The following PC variants were observed in gnomAD, a reference collection of about 807,000 sequenced individuals.
PC encodes pyruvate carboxylase, mitochondrial.
PC carries 46 observed loss-of-function variants against 107.8 expected under a neutral mutation model. The observed-to-expected ratio is 0.43, with a 90% CI of 0.34 to 0.55. The LOEUF (loss-of-function observed/expected upper bound fraction) is 0.55, where lower values mean the gene tolerates loss of function less well. PC is among the 20% of genes least tolerant of loss of function. The pLI is 0.04. For synonymous variants in PC, 662 were observed against 684.7 expected, an observed-to-expected ratio of 0.97 and a Z score of 0.52; for missense variants, 1,241 against 1,643.1, an observed-to-expected ratio of 0.76 and a Z score of 4.23.
chr11:66,891,052 G>T (rs917772052), intron 3 of PC, among the ~76,000 whole-genome samples: 33 of 151,096 alleles, frequency 2.2e-4, no homozygotes, highest in Middle Eastern at 3.4e-3. Context: ...TAGGCATGGG[G>T]TTTTTTTTTG....
At position 66,849,702 on chromosome 11, in the gene PC, T is replaced by C. The variant is rs758028238; in HGVS notation, c.3056A>G (p.His1019Arg). 6.8e-6 allele frequency: 11 copies of C among 1,614,046 alleles called. No homozygotes were observed. In the African/African-American group the frequency reaches 1.3e-4, roughly 20 times the overall value. ...AAAGGTGGCAGTGAAGTCCTTGAAG[T>C]GGGCAAACACATCGGGGTACATAGC... The part of the protein sequence containing the change: ...SAAMYPDVFA[H>R]FKDFTATFGP... The change falls in exon 21 of 23, where the codon CAC (histidine) becomes CGC (arginine). Residue 1019 changes from histidine (H) to arginine (R), a missense_variant. His to Arg is a conservative substitution (Grantham distance 29). This residue lies in a region of PC where 1,143 missense variants were observed against 1,551.9 expected (regional missense o/e 0.74). Coordinates refer to ENST00000393960, the MANE Select transcript of PC (RefSeq NM_001040716.2).
Position 66,866,453 on chromosome 11 carries a change from T to G in PC, c.1023-104A>C. ...CAGCCAGTGGGGCGTCCACACACAG[T>G]GCGACTCCTGCCCATAGGCTCTGGG... On this transcript the variant is annotated intron_variant, in intron 10 of 22. Coordinates refer to ENST00000393960, the MANE Select transcript of PC (RefSeq NM_001040716.2). This position sits in a 1 kb window ranked among gnomAD's most constrained non-coding sequence, Gnocchi z 5.4. The G allele has an allele frequency of 2.4e-6, 2 of 816,468 alleles. No individual in the cohort carries two copies. The highest frequency in any genetic ancestry group is 3.2e-5 in the South Asian group (2 of 62,482). 50.6% of individuals were successfully genotyped at this position (816,468 alleles called of 1,614,324 possible).
chr11:66,859,031 C>T (rs781135899), intron 12 of PC: 10 of 1,508,032 alleles, frequency 6.6e-6, no homozygotes, highest in African/African-American at 2.8e-5. Context: ...GGCGGCCAGC[C>T]GACCCAGTGT....
At chr11:66,863,520 G>C (rs1280206606) in intron 12 of PC, among the ~76,000 whole-genome samples, 3 of 152,200 alleles carry the variant, frequency 2.0e-5, no homozygotes, top group Non-Finnish European at 2.9e-5. Flanking sequence ...GACTAGACAG[G>C]AGGCATGTGA....
intron 3 of PC, among the ~76,000 whole-genome samples, chr11:66,920,511 G>A (rs1486716822): frequency 6.6e-6 from 1 of 152,118 alleles, no homozygotes; most frequent in African/African-American, 2.4e-5. Flanking sequence ...TGGCAGCCCC[G>A]GGAAGGCCTG....
chr11:66,939,739 G>A (rs1949078208), intron 3 of PC, among the ~76,000 whole-genome samples: 1 of 147,880 alleles, frequency 6.8e-6, no homozygotes, highest in South Asian at 2.1e-4. Flanking sequence ...GGGAGGCAGA[G>A]GTTGCAGCAA....
chr11:66,907,104 C>T (rs1948189642), intron 3 of PC, among the ~76,000 whole-genome samples: 1 of 152,226 alleles, frequency 6.6e-6, no homozygotes. Context: ...CTCCCCATGA[C>T]CACTGGCAGC....
Position 66,860,224 on chromosome 11 carries a change from G to A in PC, c.1368+3550C>T, listed in dbSNP as rs374747976. 1.7e-4 allele frequency: 259 copies of A among 1,540,284 alleles called. 1 individual carries two copies. In the African/African-American group the frequency reaches 3.3e-3, roughly 20 times the overall value. On this transcript the variant is annotated intron_variant, in intron 12 of 22. Transcript: ENST00000393960. ...ACGGGCAGCTTCCTGTGTGCTCCAA[G>A]GGATGAGCCTCGTGGGGCAGAGGGC...
In PC at chr11:66,852,324, CT is replaced by C; in HGVS notation, c.1825+114del. 1 of 927,216 alleles carries C rather than the reference CT, an allele frequency of 1.1e-6. No homozygotes were observed. The allele number at this position is 927,216 out of a possible 1,614,324, so 57.4% of individuals were successfully genotyped here. A position where few individuals can be genotyped will look rare whatever the true frequency, so the allele number is the denominator to read the frequency against. ...CGCTGTGCCTTCTTCGGTCCTTCCT[CT>C]TTGGTGTTCTTCGTGTCAGCGTCTC... On this transcript the variant is annotated intron_variant, in intron 15 of 22. Transcript: ENST00000393960. The surrounding 1 kb of genome is among the most constrained non-coding windows in gnomAD (Gnocchi z 4.7).
rs537971994 is a variant in PC at position 66,902,222 on chromosome 11, T to C, written c.1-30063A>G. ...AACATATCTTCATAGCCCCATGATC[T>C]GACCTTTCATCCTATGCTTTGGAGT... On this transcript the variant is annotated intron_variant, in intron 3 of 22. Transcript: ENST00000393960. Among the ~76,000 whole-genome samples the C allele has an allele frequency of 7.9e-5, 12 of 152,344 alleles. No homozygotes were observed. In the South Asian group the frequency reaches 2.5e-3, roughly 32 times the overall value.
intron 3 of PC, among the ~76,000 whole-genome samples, chr11:66,885,537 G>A (rs1947330101): frequency 6.7e-6 from 1 of 149,194 alleles, no homozygotes; most frequent in Admixed American, 6.7e-5. Flanking sequence ...GGGTAATCAA[G>A]TAAAAATAAA....
In PC at chr11:66,852,690, C is replaced by T. The variant is rs369993444; in HGVS notation, c.1604-30G>A. On this transcript the variant is annotated intron_variant, in intron 14 of 22. Transcript: ENST00000393960. The surrounding 1 kb of genome is among the most constrained non-coding windows in gnomAD (Gnocchi z 4.7). ...GGTAGACAGGGGCATTGGTGCCCAT[C>T]CTGCAGGTGGCAACCTCCTGTCTCC... The T allele has an allele frequency of 7.5e-5, 120 of 1,610,146 alleles. No individual in the cohort carries two copies. The highest frequency in any genetic ancestry group is 1.6e-4 in the Middle Eastern group (1 of 6,080).
chr11:66,900,604 A>G (rs1379691206), intron 3 of PC, among the ~76,000 whole-genome samples: 10 of 152,208 alleles, frequency 6.6e-5, no homozygotes, highest in African/African-American at 2.2e-4. Flanking sequence ...AAGTATTGCC[A>G]TCTTAACAAT....
Position 66,857,635 on chromosome 11 carries a change from C to T in PC, c.1369-4252G>A, listed in dbSNP as rs928784922. 19 of 1,273,620 alleles carry T rather than the reference C, an allele frequency of 1.5e-5. No homozygotes were observed. The highest frequency in any genetic ancestry group is 2.5e-5 in the East Asian group (1 of 39,326). The allele number at this position is 1,273,620 out of a possible 1,614,324, so 78.9% of individuals were successfully genotyped here. A position where few individuals can be genotyped will look rare whatever the true frequency, so the allele number is the denominator to read the frequency against. On this transcript the variant is annotated intron_variant, in intron 12 of 22. Coordinates refer to ENST00000393960, the MANE Select transcript of PC (RefSeq NM_001040716.2). The surrounding 1 kb of genome is among the most constrained non-coding windows in gnomAD (Gnocchi z 7.1). The stretch of plus-strand genomic sequence containing the variant: ...TTGGGCCTCTGACCCAGCCCCTCCC[C>T]GGGCCAGGCTCACAGAAGCTGGCTT...
rs767216993 is a variant in PC at position 66,858,921 on chromosome 11, G to T, written c.1368+4853C>A. On this transcript the variant is annotated intron_variant, in intron 12 of 22. Coordinates refer to ENST00000393960, the MANE Select transcript of PC (RefSeq NM_001040716.2). This position sits in a 1 kb window ranked among gnomAD's most constrained non-coding sequence, Gnocchi z 5.9. Reference sequence around the variant, plus strand: ...CGGGCCCTCGGACATCGCCGCCTCCGCTCGCACTGCTGCCGAGGGTGAGGG... The same window carrying T: ...CGGGCCCTCGGACATCGCCGCCTCCTCTCGCACTGCTGCCGAGGGTGAGGG... The T allele has an allele frequency of 1.3e-6, 2 of 1,569,488 alleles. No individual in the cohort carries two copies. The highest frequency in any genetic ancestry group is 4.5e-5 in the East Asian group (2 of 44,140).
intron 3 of PC, among the ~76,000 whole-genome samples, chr11:66,935,135 G>T (rs1416582309): frequency 6.6e-6 from 1 of 152,262 alleles, no homozygotes; most frequent in East Asian, 1.9e-4. Flanking sequence ...CAGATGCACA[G>T]TAAATGCTGA....
intron 11 of PC, 71 bp from the exon 12 acceptor site, chr11:66,864,027 C>T: frequency 1.3e-6 from 2 of 1,512,516 alleles, no homozygotes; most frequent in Non-Finnish European, 9.2e-7. Context: ...CACCCCGAGG[C>T]TGGCCAGGTG....
rs34424812 is a variant in PC at position 66,930,741 on chromosome 11, TAA to T, written c.-1+21687_-1+21688del. On this transcript the variant is annotated intron_variant, in intron 3 of 22. Transcript: ENST00000393960. ...TGGGCGACAGAGCAAGACTCTGTCTTAAAAAAAAAAAAAAAAAAAAAAAAGTT... is the reference window on the plus strand; with the variant it reads ...TGGGCGACAGAGCAAGACTCTGTCTTAAAAAAAAAAAAAAAAAAAAAAGTT... Among the ~76,000 whole-genome samples, 387 of 99,256 alleles carry T rather than the reference TAA, an allele frequency of 3.9e-3. 2 individuals are homozygous for T. Among genetic ancestry groups the T allele is most frequent in the African/African-American group, 8.0e-3 (208 of 26,030 alleles). The allele number at this position is 99,256 out of a possible 152,430, so 65.1% of individuals were successfully genotyped here. A position where few individuals can be genotyped will look rare whatever the true frequency, so the allele number is the denominator to read the frequency against.
chr11:66,876,266 A>G (rs1946974155), intron 3 of PC, among the ~76,000 whole-genome samples: 1 of 152,216 alleles, frequency 6.6e-6, no homozygotes, highest in Admixed American at 6.5e-5. Context: ...TTCTTAGGGA[A>G]AAACACTGAG....
Sources: allele counts gnomAD v4.1 joint callset (sites outside exome capture counted in the v4.1 genomes callset), GRCh38; gene constraint gnomAD v4.1.1; regional missense constraint gnomAD v4.1.1; non-coding constraint Gnocchi (gnomAD v3.1); transcripts MANE v1.5; gene names NCBI Gene and HGNC (gene_info 2026-07-23, HGNC 2026-07-21).